The following DMTF1 variants were observed in gnomAD, a reference collection of about 807,000 sequenced individuals.
The protein encoded by DMTF1 is cyclin-D-binding Myb-like transcription factor 1.
Under a neutral mutation model 91.1 loss-of-function variants are expected in DMTF1, and 39 were observed. That is an observed-to-expected ratio of 0.43 (90% CI 0.33 to 0.56). The LOEUF is 0.56. Among genes scored for constraint, DMTF1 ranks in the 20% least tolerant of loss-of-function variants. The pLI, the probability that DMTF1 is intolerant of heterozygous loss-of-function variation, is 0.05. For missense variants in DMTF1, 750 were observed against 914.5 expected (o/e 0.82, Z 2.32); for synonymous variants, 338 against 309.5 (o/e 1.09, Z -0.97).
chr7:87,166,502 A>G lies in DMTF1; in HGVS notation c.129A>G (p.Ser43=). Residue 43 remains serine (S), a synonymous_variant, in exon 4 of 18, where the codon TCA becomes TCG. Coordinates refer to ENST00000331242, the MANE Select transcript of DMTF1 (RefSeq NM_001142327.2). ...CPQNEADEID[S]EDSIEPPHKR... is the part of the protein sequence containing the mutation. ...CATTAGAAGCGGATGAAATAGACTC[A>G]GAAGATAGTATTGAACCTCCACATA... 6.2e-7 allele frequency: 1 copy of G among 1,612,902 alleles called. No individual in the cohort carries two copies. Among genetic ancestry groups the G allele is most frequent in the East Asian group, 2.2e-5 (1 of 44,830 alleles).
intron 8 of DMTF1, among the ~76,000 whole-genome samples, chr7:87,180,896 C>T (rs1302787015): frequency 7.4e-6 from 1 of 134,620 alleles, no homozygotes; most frequent in Non-Finnish European, 1.5e-5. Context: ...GTCTGTGTTG[C>T]GCAGGCTGGA....
chr7:87,191,132 A>G (rs920358204), intron 14 of DMTF1, 105 bp downstream of exon 14: 8 of 708,086 alleles, frequency 1.1e-5, no homozygotes, highest in Non-Finnish European at 2.3e-6. Flanking sequence ...TCTGAGGCCA[A>G]ATGAATGGTA....
intron 2 of DMTF1, among the ~76,000 whole-genome samples, chr7:87,163,916 G>A (rs982042551): frequency 2.0e-5 from 3 of 151,938 alleles, no homozygotes; most frequent in Admixed American, 1.3e-4. Context: ...GTGTTGGCAC[G>A]TGCCTGTACC....
At chr7:87,181,083 C>T (rs1198547118) in intron 8 of DMTF1, 8 of 256,564 alleles carry the variant, frequency 3.1e-5, no homozygotes, top group Non-Finnish European at 5.3e-5. Context: ...CTCCTTGCCT[C>T]AAGTGATCCG....
chr7:87,178,859 A>G (rs1346276582), intron 7 of DMTF1, among the ~76,000 whole-genome samples: 1 of 151,392 alleles, frequency 6.6e-6, no homozygotes, highest in Non-Finnish European at 1.5e-5. Flanking sequence ...CATCTATGTC[A>G]TGTGGGCCTA....
chr7:87,170,918 T>C lies in DMTF1; in HGVS notation c.233-77T>C, dbSNP rs1034141603. On this transcript the variant is annotated intron_variant, in intron 4 of 17. Transcript: ENST00000331242. Reference sequence around the variant, plus strand: ...GTTAGGAAATTAGATGATCATGTTTTTTTTCCCATGGATATTTTTAGAATA... The same window carrying C: ...GTTAGGAAATTAGATGATCATGTTTCTTTTCCCATGGATATTTTTAGAATA... 5.3e-6 allele frequency: 5 copies of C among 945,214 alleles called. No homozygotes were observed. In the Admixed American group the frequency reaches 1.0e-4, roughly 19 times the overall value. The allele number at this position is 945,214 out of a possible 1,614,324, so 58.6% of individuals were successfully genotyped here. A position where few individuals can be genotyped will look rare whatever the true frequency, so the allele number is the denominator to read the frequency against.
chr7:87,193,855 A>C lies in DMTF1; in HGVS notation c.1781A>C (p.Asp594Ala). 6.2e-7 allele frequency: 1 copy of C among 1,613,376 alleles called. No homozygotes were observed. The highest frequency in any genetic ancestry group is 8.5e-7 in the Non-Finnish European group (1 of 1,179,614). ...CAAGCAGAACTGACAGTCGATAGTG[A>C]TATTCAGTCATCTGATTTTCCTGAG... Reference protein sequence around the residue: ...ISQAELTVDSDIQSSDFPEPP... With the variant: ...ISQAELTVDSAIQSSDFPEPP... Residue 594 changes from aspartate to alanine, a missense_variant, in exon 16 of 18, where the codon GAT becomes GCT. Asp to Ala is a moderately radical substitution (Grantham distance 126, BLOSUM62 -2). Coordinates refer to ENST00000331242, the MANE Select transcript of DMTF1 (RefSeq NM_001142327.2).
At chr7:87,183,192 C>G (rs1000935574) in intron 10 of DMTF1, among the ~76,000 whole-genome samples, 1 of 152,242 alleles carries the variant, frequency 6.6e-6, no homozygotes, top group Non-Finnish European at 1.5e-5. Flanking sequence ...TGCTTAACTA[C>G]TGCACTATCA....
At chr7:87,187,133 G>C (rs1424069062) in intron 12 of DMTF1, 1 of 152,102 alleles carries the variant, frequency 6.6e-6, no homozygotes, top group Non-Finnish European at 1.5e-5. Context: ...GTTTAATTTA[G>C]GTTACTAAAT....
chr7:87,171,237 A>T (rs371775057), intron 5 of DMTF1, 148 bp downstream of exon 5: 5 of 478,456 alleles, frequency 1.0e-5, no homozygotes, highest in African/African-American at 8.0e-5. Flanking sequence ...TATGAAACAA[A>T]TTACAAAGTT....
rs1296789607 is a variant in DMTF1, at chr7:87,194,829, G to A, written c.2173+1G>A. 6.2e-7 allele frequency: 1 copy of A among 1,606,050 alleles called. No homozygotes were observed. Among genetic ancestry groups the A allele is most frequent in the South Asian group, 1.1e-5 (1 of 89,468 alleles). Reference sequence around the variant, plus strand: ...GTCTTGCCTTTGACAACACTAACAGGTACTGTAATATAATACTTACTATGT... The same window carrying A: ...GTCTTGCCTTTGACAACACTAACAGATACTGTAATATAATACTTACTATGT... On this transcript the variant is annotated splice_donor_variant, in intron 17 of 17. Transcript: ENST00000331242. LOFTEE classifies it high-confidence loss of function.
intron 10 of DMTF1, among the ~76,000 whole-genome samples, chr7:87,184,001 G>A (rs1797912646): frequency 6.6e-6 from 1 of 152,056 alleles, no homozygotes. Context: ...ACTTACTTTT[G>A]CAGAGCAGGG....
chr7:87,162,747 G>A (rs1416910799), intron 1 of DMTF1: 2 of 151,234 alleles, frequency 1.3e-5, no homozygotes, highest in African/African-American at 4.9e-5. Flanking sequence ...TAATTAGAAT[G>A]CCGCAAAAAT....
At chr7:87,194,169 A>AC in intron 16 of DMTF1, 67 bp downstream of exon 16, 2 of 1,489,978 alleles carry the variant, frequency 1.3e-6, no homozygotes, top group Admixed American at 2.3e-5. Context: ...AGTTTGGGAA[A>AC]CTTTTTTCTG....
At chr7:87,157,842 A>G (rs910850040) in intron 1 of DMTF1, among the ~76,000 whole-genome samples, 23 of 150,782 alleles carry the variant, frequency 1.5e-4, no homozygotes. Flanking sequence ...ACTTAAGGTT[A>G]TGTGTTTTTT....
Position 87,166,570 on chromosome 7 carries a change from A to T in DMTF1, c.197A>T (p.Asp66Val). The change falls in exon 4 of 18, where the codon GAT becomes GTT. Residue 66 changes from aspartate to valine, a missense_variant. Coordinates refer to ENST00000331242, the MANE Select transcript of DMTF1 (RefSeq NM_001142327.2). Reference protein sequence around the residue: ...LSSEDDQSIDDSTPCISVVAL... With the variant: ...LSSEDDQSIDVSTPCISVVAL... ...TCTGAGGATGATCAGAGTATTGATG[A>T]TTCTACTCCTTGCATATCAGTTGTT... 1 of 1,613,086 alleles carries T rather than the reference A, an allele frequency of 6.2e-7. No individual in the cohort carries two copies. The highest frequency in any genetic ancestry group is 8.5e-7 in the Non-Finnish European group (1 of 1,179,284).
rs1489551816 is a variant in DMTF1 at position 87,193,343 on chromosome 7, A to C, written c.1640A>C (p.His547Pro). 9 of 1,613,186 alleles carry C rather than the reference A, an allele frequency of 5.6e-6. No individual in the cohort carries two copies. The highest frequency in any genetic ancestry group is 7.6e-6 in the Non-Finnish European group (9 of 1,179,456). ...GCTTCTCCTGAACAGATTATTGTTC[A>C]TGCTTTATCCGTATGTTACATAAAT... Reference protein sequence around the residue: ...APASPEQIIVHALSPEHLLNT... With the variant: ...APASPEQIIVPALSPEHLLNT... Residue 547 changes from histidine to proline, a missense_variant, in exon 15 of 18, where the codon CAT becomes CCT. By Grantham distance (77) the His-to-Pro change is moderately conservative. Coordinates refer to ENST00000331242, the MANE Select transcript of DMTF1 (RefSeq NM_001142327.2).
At chr7:87,181,389 G>A (rs377494257) in intron 9 of DMTF1, 48 bp downstream of exon 9, 31 of 910,538 alleles carry the variant, frequency 3.4e-5, no homozygotes, top group African/African-American at 1.5e-4. Context: ...TATGTCTTAC[G>A]TCCTTAAAAG....
chr7:87,158,610 A>G (rs942526401), intron 1 of DMTF1, among the ~76,000 whole-genome samples: 1 of 152,044 alleles, frequency 6.6e-6, no homozygotes, highest in Non-Finnish European at 1.5e-5. Context: ...ACCAGAAATT[A>G]TTTCTTCAGA....
Sources: gnomAD v4.1 joint callset for allele counts (sites outside exome capture counted in the v4.1 genomes callset) on GRCh38, gnomAD v4.1.1 for gene constraint, MANE v1.5 for transcripts, NCBI Gene and HGNC (gene_info 2026-07-23, HGNC 2026-07-21) for gene names.